Variants in NUGGC observed in about 807,000 individuals in gnomAD.
The protein encoded by NUGGC is nuclear GTPase SLIP-GC.
A neutral mutation model predicts 92.6 loss-of-function variants in NUGGC; 58 were observed. The observed-to-expected ratio is 0.63, with a 90% CI of 0.51 to 0.78. The LOEUF is 0.78. NUGGC is among the 30% of genes least tolerant of loss of function. NUGGC has a pLI of 0.00. For synonymous variants in NUGGC, 376 were observed against 366.4 expected, an observed-to-expected ratio of 1.03 and a Z score of -0.30; for missense variants, 925 against 964.6, an observed-to-expected ratio of 0.96 and a Z score of 0.54.
intron 2 of NUGGC, among the ~76,000 whole-genome samples, chr8:28,073,019 T>C (rs922051538): frequency 6.6e-6 from 1 of 151,726 alleles, no homozygotes; most frequent in Non-Finnish European, 1.5e-5. Context: ...TTTTTTTTTT[T>C]TTGAGACGAG....
intron 4 of NUGGC, 40 bp downstream of exon 4, chr8:28,069,504 C>T (rs769151838): frequency 1.0e-6 from 1 of 987,044 alleles, no homozygotes; most frequent in African/African-American, 1.6e-5. Flanking sequence ...TAAGGAAAGA[C>T]ACTGACATAA....
chr8:28,034,108 A>G (rs4732805), intron 13 of NUGGC, among the ~76,000 whole-genome samples: 41,777 of 152,124 alleles, frequency 0.27, 6,193 homozygotes, highest in East Asian at 0.47. Flanking sequence ...ACGACTAAAT[A>G]AATGAATGAA....
chr8:28,047,945 C>T (rs553386364), intron 10 of NUGGC, among the ~76,000 whole-genome samples: 3 of 152,174 alleles, frequency 2.0e-5, no homozygotes, highest in Admixed American at 2.0e-4. Flanking sequence ...AAAAAAGAAA[C>T]ACATGTCTGG....
intron 1 of NUGGC, among the ~76,000 whole-genome samples, chr8:28,079,021 T>A (rs1261449337): frequency 6.6e-6 from 1 of 152,210 alleles, no homozygotes; most frequent in Non-Finnish European, 1.5e-5. Flanking sequence ...AACCTAAGAA[T>A]AGCATCTTTT....
intron 1 of NUGGC, among the ~76,000 whole-genome samples, chr8:28,079,188 C>A (rs1054049406): frequency 4.5e-4 from 69 of 152,156 alleles, no homozygotes; most frequent in African/African-American, 1.5e-3. Context: ...AGGAAAATCA[C>A]AGAGGCAACA....
At chr8:28,060,704 C>T in intron 7 of NUGGC, 103 bp from the exon 8 acceptor site, 1 of 958,040 alleles carries the variant, frequency 1.0e-6, no homozygotes, top group South Asian at 1.7e-5. Flanking sequence ...CCAGTCCCAC[C>T]CCTCACCGCT....
chr8:28,027,030 T>C lies in NUGGC; in HGVS notation c.2177A>G (p.Lys726Arg). Residue 726 changes from lysine (K) to arginine (R), a missense_variant, in exon 18 of 19, where the codon AAG (lysine) becomes AGG (arginine). Transcript: ENST00000413272. ...QLKTGIVEKV[K>R]GSITTMLALA... ...GGCCAGCATAGTGGTGATGCTGCCC[T>C]TCACCTTCTCCACGATTCCAGTCTA... 1 of 1,613,248 alleles carries C rather than the reference T, an allele frequency of 6.2e-7. No individual in the cohort carries two copies. The highest frequency in any genetic ancestry group is 8.5e-7 in the Non-Finnish European group (1 of 1,179,214).
At chr8:28,047,646 A>T in intron 10 of NUGGC, 34 bp from the exon 11 acceptor site, 1 of 1,352,600 alleles carries the variant, frequency 7.4e-7, no homozygotes, top group Non-Finnish European at 1.0e-6. Flanking sequence ...AAACAGAATA[A>T]CTCAAACCAT....
In NUGGC at chr8:28,037,516, C is replaced by T. The variant is rs17058489; in HGVS notation, c.1611+3535G>A. Among the ~76,000 whole-genome samples, 415 of 152,308 alleles carry T rather than the reference C, an allele frequency of 2.7e-3. 2 individuals are homozygous for T. Among genetic ancestry groups the T allele is most frequent in the African/African-American group, 8.9e-3 (369 of 41,568 alleles). The stretch of plus-strand genomic sequence containing the variant: ...TTGGACTGTCCTCTAACCTGGCCTG[C>T]GATTTCTTTTCCAATATCCATCCCT... On this transcript the variant is annotated intron_variant, in intron 13 of 18. Transcript: ENST00000413272.
chr8:28,053,486 GA>G (rs77542322), intron 10 of NUGGC, among the ~76,000 whole-genome samples: 22,843 of 147,354 alleles, frequency 0.16, 1,814 homozygotes, highest in South Asian at 0.24. Context: ...ACCCATCTGG[GA>G]AAAAAAAAAA....
At chr8:28,028,575 A>G (rs1809329216) in intron 17 of NUGGC, among the ~76,000 whole-genome samples, 1 of 152,144 alleles carries the variant, frequency 6.6e-6, no homozygotes, top group Non-Finnish European at 1.5e-5. Context: ...ATGGCCAGGG[A>G]GGAAGCCCAC....
chr8:28,050,759 C>G (rs192234705), intron 10 of NUGGC, among the ~76,000 whole-genome samples: 1 of 150,338 alleles, frequency 6.7e-6, no homozygotes, highest in Non-Finnish European at 1.5e-5. Flanking sequence ...TGCAGTGAGC[C>G]AACATTGTGC....
In NUGGC at chr8:28,024,292, G is replaced by A. The variant is rs183444890; in HGVS notation, c.2246-830C>T. On this transcript the variant is annotated intron_variant, in intron 18 of 18. Coordinates refer to ENST00000413272, the MANE Select transcript of NUGGC (RefSeq NM_001010906.2). ...ACTCTTGACCTCAGTTGATACACCC[G>A]CCTCGGCCTCCCAAAGTGTTGGGAT... is the stretch of plus-strand genomic sequence containing the variant. Among the ~76,000 whole-genome samples the A allele has an allele frequency of 1.9e-3, 264 of 139,630 alleles. 1 individual carries two copies. The highest frequency in any genetic ancestry group is 9.1e-4 in the Non-Finnish European group (60 of 66,142). The allele number at this position is 139,630 out of a possible 152,430, so 91.6% of individuals were successfully genotyped here. A position where few individuals can be genotyped will look rare whatever the true frequency, so the allele number is the denominator to read the frequency against.
At chr8:28,072,046 C>T (rs184356387) in intron 2 of NUGGC, among the ~76,000 whole-genome samples, 1 of 152,184 alleles carries the variant, frequency 6.6e-6, no homozygotes, top group Non-Finnish European at 1.5e-5. Context: ...CTCTGTTCAA[C>T]CTTGCATCTT....
chr8:28,051,832 G>T (rs1452144857), intron 10 of NUGGC, among the ~76,000 whole-genome samples: 2 of 152,178 alleles, frequency 1.3e-5, no homozygotes, highest in African/African-American at 2.4e-5. Context: ...TGAGGCAGGA[G>T]AATTGCTTGA....
intron 10 of NUGGC, among the ~76,000 whole-genome samples, chr8:28,055,159 A>G (rs1810100840): frequency 6.6e-6 from 1 of 152,184 alleles, no homozygotes; most frequent in Non-Finnish European, 1.5e-5. Context: ...AGGCTGAGGC[A>G]GGATAATCAC....
At position 28,062,361 on chromosome 8, in the gene NUGGC, G is replaced by A. The variant is rs1045822772; in HGVS notation, c.922-1760C>T. ...GGGCCAGATGTGGTGGCTCACGCCT[G>A]TAATCCCAACATTTTGGGAGGCTAA... On this transcript the variant is annotated intron_variant, in intron 7 of 18. Coordinates refer to ENST00000413272, the MANE Select transcript of NUGGC (RefSeq NM_001010906.2). 6.6e-5 allele frequency among the ~76,000 whole-genome samples: 10 copies of A among 151,936 alleles called. No homozygotes were observed. The East Asian group carries it at 1.9e-3, about 29-fold the overall frequency.
intron 8 of NUGGC, among the ~76,000 whole-genome samples, chr8:28,059,953 G>A (rs1810253753): frequency 1.3e-5 from 2 of 152,048 alleles, no homozygotes; most frequent in Admixed American, 6.5e-5. Context: ...CCCAGGAGAC[G>A]GAGGTTGCAG....
chr8:28,032,991 C>CA (rs944736645), intron 14 of NUGGC, among the ~76,000 whole-genome samples: 2 of 151,926 alleles, frequency 1.3e-5, no homozygotes, highest in Admixed American at 6.6e-5. Flanking sequence ...ACTGTCTCTA[C>CA]AAAAAATATT....
Sources: gnomAD v4.1 joint callset for allele counts (sites outside exome capture counted in the v4.1 genomes callset) on GRCh38, gnomAD v4.1.1 for gene constraint, MANE v1.5 for transcripts, NCBI Gene and HGNC (gene_info 2026-07-23, HGNC 2026-07-21) for gene names.